KSR2: variants seen among roughly 807,000 people sequenced by gnomAD.
KSR2 encodes kinase suppressor of ras 2.
In KSR2, 25 loss-of-function variants were observed where a neutral mutation model predicts 107.8. The observed-to-expected ratio is 0.23, with a 90% CI of 0.17 to 0.32. The LOEUF (loss-of-function observed/expected upper bound fraction) is 0.32. KSR2 is among the 10% of genes least tolerant of loss of function. The probability of loss-of-function intolerance (pLI) is 1.00; values close to 1 mark genes in which losing one functional copy is unlikely to be tolerated. For synonymous variants in KSR2, 480 were observed against 507.0 expected (o/e 0.95, Z 0.71); for missense variants, 887 against 1,268.9 (o/e 0.70, Z 4.57).
intron 5 of KSR2, among the ~76,000 whole-genome samples, chr12:117,622,684 A>G (rs1314814703): frequency 1.3e-5 from 2 of 152,192 alleles, no homozygotes; most frequent in Non-Finnish European, 2.9e-5. Flanking sequence ...ACTCTGTGCC[A>G]TAAAGCTTCA....
chr12:117,780,160 T>A (rs1889836070), intron 3 of KSR2, among the ~76,000 whole-genome samples: 1 of 152,188 alleles, frequency 6.6e-6, no homozygotes, highest in South Asian at 2.1e-4. Context: ...TTAATGTCAT[T>A]CCTCAAAAAG....
intron 1 of KSR2, among the ~76,000 whole-genome samples, chr12:117,912,388 A>G (rs923443967): frequency 2.0e-5 from 3 of 152,364 alleles, no homozygotes; most frequent in South Asian, 4.1e-4. Flanking sequence ...GGGAGACACA[A>G]AAAATGTACC....
intron 1 of KSR2, among the ~76,000 whole-genome samples, chr12:117,925,221 T>G (rs1043804002): frequency 5.9e-5 from 9 of 151,610 alleles, no homozygotes; most frequent in Non-Finnish European, 1.3e-4. Flanking sequence ...CCTCCCAGGC[T>G]CAAGCAGTCC....
intron 5 of KSR2, among the ~76,000 whole-genome samples, chr12:117,635,279 C>A (rs908215117): frequency 1.3e-5 from 2 of 152,090 alleles, no homozygotes; most frequent in Non-Finnish European, 2.9e-5. Flanking sequence ...GAAAGAAACA[C>A]CCTATATTTT....
chr12:117,793,658 G>T lies in KSR2; in HGVS notation c.473-32134C>A, dbSNP rs1051081682. 1.0e-4 allele frequency among the ~76,000 whole-genome samples: 14 copies of T among 133,786 alleles called. No individual in the cohort carries two copies. In the Admixed American group the frequency reaches 1.1e-3, roughly 10 times the overall value. 87.8% of individuals were successfully genotyped at this position (133,786 alleles called of 152,430 possible). On this transcript the variant is annotated intron_variant, in intron 3 of 19. Coordinates refer to ENST00000339824, the MANE Select transcript of KSR2 (RefSeq NM_173598.6). ...ATCCCATGCACATATACACCAATAT[G>T]CACACATACAACATGCACACACCAA... is the stretch of plus-strand genomic sequence containing the variant.
At chr12:117,739,620 C>T (rs1349614775) in intron 4 of KSR2, among the ~76,000 whole-genome samples, 1 of 152,178 alleles carries the variant, frequency 6.6e-6, no homozygotes, top group African/African-American at 2.4e-5. Flanking sequence ...ATTCAACAAA[C>T]ATATATACAG....
At chr12:117,739,515 T>C (rs912250302) in intron 4 of KSR2, among the ~76,000 whole-genome samples, 1 of 152,210 alleles carries the variant, frequency 6.6e-6, no homozygotes, top group Non-Finnish European at 1.5e-5. Context: ...CATTATGCAG[T>C]GCATGAGTAC....
chr12:117,885,229 G>A (rs1894140808), intron 1 of KSR2, among the ~76,000 whole-genome samples: 1 of 152,176 alleles, frequency 6.6e-6, no homozygotes, highest in South Asian at 2.1e-4. Flanking sequence ...TTCCGATAGA[G>A]ATCTTAGGGG....
intron 1 of KSR2, among the ~76,000 whole-genome samples, chr12:117,963,355 G>A (rs1261928394): frequency 6.6e-6 from 1 of 152,186 alleles, no homozygotes; most frequent in East Asian, 1.9e-4. Flanking sequence ...CCCTGCCGTA[G>A]GCTGCCATCC....
chr12:117,501,452 C>G (rs886769498), intron 14 of KSR2, among the ~76,000 whole-genome samples: 6 of 152,200 alleles, frequency 3.9e-5, no homozygotes, highest in Non-Finnish European at 8.8e-5. Context: ...CGGTTAAGGT[C>G]ACGTGGATTT....
At chr12:117,855,338 G>A (rs1893062961) in intron 3 of KSR2, 90 bp downstream of exon 3, 2 of 1,548,014 alleles carry the variant, frequency 1.3e-6, no homozygotes, top group Non-Finnish European at 1.8e-6. Flanking sequence ...GTCTCGTCCT[G>A]GCCTGCAGTG....
At chr12:117,881,784 G>A (rs1262550594) in intron 1 of KSR2, among the ~76,000 whole-genome samples, 1 of 152,206 alleles carries the variant, frequency 6.6e-6, no homozygotes, top group Non-Finnish European at 1.5e-5. Flanking sequence ...TCTGAGTTGG[G>A]AAGAGACAGA....
At chr12:117,797,652 ATTT>A (rs56721207) in intron 3 of KSR2, among the ~76,000 whole-genome samples, 79 of 148,718 alleles carry the variant, frequency 5.3e-4, no homozygotes, top group African/African-American at 9.3e-4. Flanking sequence ...TTTCACCTCA[ATTT>A]TTTTTTTTTT....
chr12:117,750,642 C>A (rs1224344698), intron 4 of KSR2, among the ~76,000 whole-genome samples: 1 of 152,052 alleles, frequency 6.6e-6, no homozygotes, highest in African/African-American at 2.4e-5. Context: ...GGTTTTCAGC[C>A]TTTGTCCCTC....
chr12:117,704,957 A>C (rs997398045), intron 4 of KSR2, among the ~76,000 whole-genome samples: 2 of 152,194 alleles, frequency 1.3e-5, no homozygotes, highest in African/African-American at 4.8e-5. Flanking sequence ...CAAGGTGGGA[A>C]GGACTCATTT....
intron 1 of KSR2, among the ~76,000 whole-genome samples, chr12:117,936,043 CT>C (rs1325261602): frequency 7.3e-4 from 108 of 147,348 alleles, no homozygotes; most frequent in Middle Eastern, 7.1e-3. Flanking sequence ...ATTTATTGAA[CT>C]TTTTTTTTTT....
chr12:117,736,774 C>T (rs1227675832), intron 4 of KSR2, among the ~76,000 whole-genome samples: 2 of 149,792 alleles, frequency 1.3e-5, no homozygotes, highest in Non-Finnish European at 1.5e-5. Flanking sequence ...GATTGTGCCA[C>T]TGCACTCCAG....
intron 7 of KSR2, among the ~76,000 whole-genome samples, chr12:117,564,586 C>A (rs575208402): frequency 6.6e-6 from 1 of 152,210 alleles, no homozygotes; most frequent in South Asian, 2.1e-4. Context: ...AAGTTGCTTA[C>A]GAGGAACATC....
At chr12:117,503,621 G>A (rs1184979289) in intron 14 of KSR2, among the ~76,000 whole-genome samples, 1 of 152,210 alleles carries the variant, frequency 6.6e-6, no homozygotes, top group Non-Finnish European at 1.5e-5. Context: ...TTACATGAGT[G>A]AGAAATAAAC....
Sources: gnomAD v4.1 joint callset for allele counts (sites outside exome capture counted in the v4.1 genomes callset) on GRCh38, gnomAD v4.1.1 for gene constraint, MANE v1.5 for transcripts, NCBI Gene and HGNC (gene_info 2026-07-23, HGNC 2026-07-21) for gene names.